VRK2: variants seen among roughly 807,000 people sequenced by gnomAD.
VRK2 encodes the protein serine/threonine-protein kinase VRK2.
In VRK2, 60 loss-of-function variants were observed where a neutral mutation model predicts 57.6. The ratio of observed to expected loss-of-function variants is 1.04; its 90% CI spans 0.85 to 1.29. VRK2 has a LOEUF of 1.29. Ranked by LOEUF, VRK2 falls within the 50% of genes most tolerant of loss-of-function variation. The probability of loss-of-function intolerance (pLI) is 0.00; values close to 1 mark genes in which losing one functional copy is unlikely to be tolerated. For missense variants in VRK2, 705 were observed against 588.1 expected, an observed-to-expected ratio of 1.20 and a Z score of -2.06; for synonymous variants, 231 against 199.2, an observed-to-expected ratio of 1.16 and a Z score of -1.35.
chr2:57,935,331 G>C (rs1670870217), intron 1 of VRK2, among the ~76,000 whole-genome samples: 1 of 151,976 alleles, frequency 6.6e-6, no homozygotes, highest in African/African-American at 2.4e-5. Flanking sequence ...TGGGGTGTGG[G>C]GGAATTCTTA....
At chr2:58,034,298 T>C (rs1674207062) in intron 3 of VRK2, among the ~76,000 whole-genome samples, 2 of 151,960 alleles carry the variant, frequency 1.3e-5, no homozygotes, top group African/African-American at 4.8e-5. Flanking sequence ...CTTAGCAAAT[T>C]TCTTCCCACC....
intron 1 of VRK2, among the ~76,000 whole-genome samples, chr2:57,982,406 T>C (rs1434472945): frequency 6.6e-6 from 1 of 152,178 alleles, no homozygotes; most frequent in Non-Finnish European, 1.5e-5. Context: ...GCAAAAGCAC[T>C]AGTGTCACTT....
rs1383045012 is a variant in VRK2, at chr2:58,013,845, C to G, written c.-438-11820C>G. On this transcript the variant is annotated intron_variant, in intron 1 of 15. Coordinates refer to the VRK2 transcript ENST00000417641. ...CAGCACTCCCTCCTGGGCGACAGAA[C>G]GAGACTCCGTCTCAAAAAAAAAAAA... is the stretch of plus-strand genomic sequence containing the variant. Among the ~76,000 whole-genome samples, 3 of 114,792 alleles carry G rather than the reference C, an allele frequency of 2.6e-5. No individual in the cohort carries two copies. In the South Asian group the frequency reaches 7.9e-4, roughly 30 times the overall value. The allele number at this position is 114,792 out of a possible 152,430, so 75.3% of individuals were successfully genotyped here.
chr2:58,029,070 C>A (rs1049037460), intron 2 of VRK2, among the ~76,000 whole-genome samples: 2 of 151,154 alleles, frequency 1.3e-5, no homozygotes, highest in African/African-American at 4.9e-5. Flanking sequence ...TTTAGACATT[C>A]TGGAAGATGA....
intron 1 of VRK2, among the ~76,000 whole-genome samples, chr2:57,920,611 C>G (rs768073232): frequency 6.6e-6 from 1 of 151,996 alleles, no homozygotes; most frequent in African/African-American, 2.4e-5. Context: ...CCATAGGGTA[C>G]GCAACTGGAT....
chr2:58,124,609 T>TG (rs1678027866), intron 8 of VRK2, among the ~76,000 whole-genome samples: 1 of 152,218 alleles, frequency 6.6e-6, no homozygotes, highest in Non-Finnish European at 1.5e-5. Context: ...AAGTTTTAGT[T>TG]GGTGAAGACA....
Position 58,084,112 on chromosome 2 carries a change from A to G in VRK2, c.160A>G (p.Lys54Glu), listed in dbSNP as rs371516428. Residue 54 changes from lysine (K) to glutamate (E), a missense_variant, in exon 3 of 13, where the codon AAA (lysine) becomes GAA (glutamate). Lys to Glu is a moderately conservative substitution (Grantham distance 56, BLOSUM62 1). Transcript: ENST00000340157. ...AGCTTTCCCCACAAATAAACCAGAG[A>G]AAGATGCAAGACATGTAGTAAAAGT... is the stretch of plus-strand genomic sequence containing the variant. ...YLAFPTNKPE[K>E]DARHVVKVEY... is the part of the protein sequence containing the mutation. The G allele has an allele frequency of 1.2e-6, 2 of 1,607,010 alleles. No homozygotes were observed. The highest frequency in any genetic ancestry group is 8.5e-7 in the Non-Finnish European group (1 of 1,175,758).
intron 7 of VRK2, among the ~76,000 whole-genome samples, chr2:58,115,973 C>T (rs1389814187): frequency 6.6e-6 from 1 of 152,136 alleles, no homozygotes; most frequent in African/African-American, 2.4e-5. Context: ...GGTTTGGCAC[C>T]ACGGGGTGGA....
chr2:58,063,689 G>A (rs868452986), intron 2 of VRK2, among the ~76,000 whole-genome samples: 3 of 152,046 alleles, frequency 2.0e-5, no homozygotes, highest in African/African-American at 7.2e-5. Flanking sequence ...TGTCCCTTCT[G>A]TAGCTCATGG....
intron 12 of VRK2, 50 bp from the exon 13 acceptor site, chr2:58,159,299 T>G (rs749093931): frequency 3.6e-6 from 5 of 1,394,458 alleles, no homozygotes; most frequent in Non-Finnish European, 3.9e-6. Context: ...AATAAATACT[T>G]GGATAACTCA....
intron 7 of VRK2, among the ~76,000 whole-genome samples, chr2:58,116,809 C>T (rs1291874327): frequency 6.6e-6 from 1 of 152,168 alleles, no homozygotes; most frequent in Non-Finnish European, 1.5e-5. Context: ...AGATGGGACA[C>T]GGCTTAGGAG....
chr2:57,924,548 A>G (rs914857459), intron 1 of VRK2, among the ~76,000 whole-genome samples: 5 of 151,968 alleles, frequency 3.3e-5, no homozygotes, highest in African/African-American at 1.2e-4. Flanking sequence ...AATGCTACTG[A>G]TTTTTGTATG....
chr2:58,006,996 G>A (rs867068589), intron 1 of VRK2, among the ~76,000 whole-genome samples: 3 of 151,940 alleles, frequency 2.0e-5, no homozygotes, highest in South Asian at 4.1e-4. Flanking sequence ...GTACATTGTC[G>A]AAAATGAATA....
chr2:58,071,515 G>T (rs978670048), intron 2 of VRK2, among the ~76,000 whole-genome samples: 5 of 152,018 alleles, frequency 3.3e-5, no homozygotes, highest in Admixed American at 3.3e-4. Context: ...GCATGTGAGT[G>T]TCCAGTCCTA....
At chr2:58,003,808 T>C (rs1011144530) in intron 1 of VRK2, among the ~76,000 whole-genome samples, 8 of 152,164 alleles carry the variant, frequency 5.3e-5, no homozygotes, top group Non-Finnish European at 1.0e-4. Flanking sequence ...TATTTATACA[T>C]TTTTCTCACA....
chr2:58,135,851 G>A (rs1241775301), intron 10 of VRK2, among the ~76,000 whole-genome samples: 1 of 152,138 alleles, frequency 6.6e-6, no homozygotes, highest in Non-Finnish European at 1.5e-5. Flanking sequence ...TACACAACAT[G>A]TTATTCAACA....
chr2:57,924,868 G>C (rs1010397854), intron 1 of VRK2, among the ~76,000 whole-genome samples: 4 of 151,614 alleles, frequency 2.6e-5, no homozygotes, highest in Non-Finnish European at 4.4e-5. Context: ...ATTATGTTAA[G>C]GTATGTTGCT....
At chr2:57,963,024 A>AC (rs1671808063) in intron 1 of VRK2, among the ~76,000 whole-genome samples, 1 of 152,194 alleles carries the variant, frequency 6.6e-6, no homozygotes, top group African/African-American at 2.4e-5. Flanking sequence ...CAAGTCACTT[A>AC]CCCCTGCTAA....
At chr2:58,028,100 G>A (rs1454848447) in intron 2 of VRK2, among the ~76,000 whole-genome samples, 1 of 152,146 alleles carries the variant, frequency 6.6e-6, no homozygotes, top group Non-Finnish European at 1.5e-5. Flanking sequence ...AATCTAGATG[G>A]AAAATGTCTG....
Sources: allele counts gnomAD v4.1 joint callset (sites outside exome capture counted in the v4.1 genomes callset), GRCh38; gene constraint gnomAD v4.1.1; transcripts MANE v1.5; gene names NCBI Gene and HGNC (gene_info 2026-07-23, HGNC 2026-07-21).